PTPRG: variants seen among roughly 807,000 people sequenced by gnomAD.
PTPRG encodes protein tyrosine phosphatase receptor type G, also known as receptor-type tyrosine-protein phosphatase gamma.
In PTPRG, 102 loss-of-function variants were observed where a neutral mutation model predicts 165.3. The observed-to-expected ratio is 0.62, with a 90% CI of 0.53 to 0.73. PTPRG has a LOEUF of 0.73. PTPRG is among the 30% of genes least tolerant of loss of function. The pLI is 0.00. For synonymous variants in PTPRG, 675 were observed against 669.5 expected (o/e 1.01, Z -0.13); for missense variants, 1,866 against 1,861.4 (o/e 1.00, Z -0.05).
chr3:62,076,583 C>G (rs1338676294), intron 4 of PTPRG, among the ~76,000 whole-genome samples: 1 of 139,052 alleles, frequency 7.2e-6, no homozygotes, highest in Non-Finnish European at 1.6e-5. Flanking sequence ...TTCTCTACAT[C>G]TTTTTTTTTT....
intron 12 of PTPRG, among the ~76,000 whole-genome samples, chr3:62,208,868 C>G (rs1700291077): frequency 6.6e-6 from 1 of 152,224 alleles, no homozygotes; most frequent in Non-Finnish European, 1.5e-5. Flanking sequence ...GTCACTGATC[C>G]TAGAGTACTC....
intron 4 of PTPRG, among the ~76,000 whole-genome samples, chr3:62,051,834 A>G (rs751271911): frequency 6.6e-6 from 1 of 152,322 alleles, no homozygotes; most frequent in East Asian, 1.9e-4. Context: ...TTTGGCAGGT[A>G]TTCAATGGAA....
chr3:62,152,910 T>C (rs1462040943), intron 6 of PTPRG, among the ~76,000 whole-genome samples: 1 of 152,250 alleles, frequency 6.6e-6, no homozygotes. Context: ...TCCATTCTAC[T>C]GTCTATTTTT....
chr3:61,945,472 T>C (rs976387200), intron 2 of PTPRG, among the ~76,000 whole-genome samples: 1 of 145,502 alleles, frequency 6.9e-6, no homozygotes, highest in South Asian at 2.1e-4. Flanking sequence ...GGCAGGAGAA[T>C]TGCTTGAACC....
intron 4 of PTPRG, among the ~76,000 whole-genome samples, chr3:62,008,096 G>A (rs2041338541): frequency 3.3e-5 from 5 of 152,100 alleles, no homozygotes; most frequent in Admixed American, 3.3e-4. Flanking sequence ...AGCTTCTATC[G>A]TATCCTAAAC....
intron 4 of PTPRG, among the ~76,000 whole-genome samples, chr3:62,034,439 GGTGTTGATGCA>G (rs1432318519): frequency 3.3e-5 from 5 of 152,222 alleles, no homozygotes; most frequent in African/African-American, 1.2e-4. Context: ...TCCAGTGAGT[GGTGTTGATGCA>G]GTTCAGAACT....
chr3:61,784,144 C>A (rs1575660973), intron 2 of PTPRG, among the ~76,000 whole-genome samples: 2 of 152,238 alleles, frequency 1.3e-5, no homozygotes, highest in Middle Eastern at 3.4e-3. Context: ...GTGGGTGAGC[C>A]AGAAACTGCT....
chr3:61,604,479 C>T (rs960627775), intron 1 of PTPRG, among the ~76,000 whole-genome samples: 1 of 152,184 alleles, frequency 6.6e-6, no homozygotes, highest in Non-Finnish European at 1.5e-5. Context: ...TACAAATAAA[C>T]ATTAAAGGCC....
chr3:61,957,737 A>G (rs972003010), intron 2 of PTPRG, among the ~76,000 whole-genome samples: 2 of 152,214 alleles, frequency 1.3e-5, no homozygotes, highest in African/African-American at 4.8e-5. Context: ...TGTGTCTTAC[A>G]GGCAATTTGT....
At chr3:61,731,583 G>A (rs1302819244) in intron 1 of PTPRG, among the ~76,000 whole-genome samples, 1 of 151,842 alleles carries the variant, frequency 6.6e-6, no homozygotes, top group African/African-American at 2.4e-5. Flanking sequence ...TCCTGACCTC[G>A]TGATCTGCCC....
rs1700834248 is a variant in PTPRG, at chr3:62,229,110, A to G, written c.2289-2115A>G. 6.6e-6 allele frequency among the ~76,000 whole-genome samples: 1 copy of G among 152,206 alleles called. No homozygotes were observed. Among genetic ancestry groups the G allele is most frequent in the African/African-American group, 2.4e-5 (1 of 41,450 alleles). Reference sequence around the variant, plus strand: ...CAAGCACATTTTGTGGTGCCAAAATATGGCTTGCCTCAGAGGGTTTGAGTT... The same window carrying G: ...CAAGCACATTTTGTGGTGCCAAAATGTGGCTTGCCTCAGAGGGTTTGAGTT... On this transcript the variant is annotated intron_variant, in intron 13 of 29. Transcript: ENST00000474889. The surrounding 1 kb of genome is among the most constrained non-coding windows in gnomAD (Gnocchi z 4.6).
chr3:62,263,979 C>T (rs1701778668), intron 17 of PTPRG: 1 of 152,298 alleles, frequency 6.6e-6, no homozygotes, highest in African/African-American at 2.4e-5. Flanking sequence ...AACCCTGTCT[C>T]TACTAAAAAT....
chr3:61,880,995 C>G (rs1410368948), intron 2 of PTPRG, among the ~76,000 whole-genome samples: 2 of 145,502 alleles, frequency 1.4e-5, no homozygotes, highest in African/African-American at 5.1e-5. Context: ...CCCTATTAAT[C>G]TTCATTCCAC....
chr3:61,664,010 A>T (rs1042099599), intron 1 of PTPRG, among the ~76,000 whole-genome samples: 1 of 152,198 alleles, frequency 6.6e-6, no homozygotes, highest in Non-Finnish European at 1.5e-5. Flanking sequence ...GCAGGCATGT[A>T]TTTCTCAGAA....
rs1482603005 is a variant in PTPRG at position 62,240,357 on chromosome 3, C to G, written c.2376-3450C>G. On this transcript the variant is annotated intron_variant, in intron 14 of 29. Transcript: ENST00000474889. This position sits in a 1 kb window ranked among gnomAD's most constrained non-coding sequence, Gnocchi z 5.1. ...CTCAAAATAAAATAAAATACATACT[C>G]CCCCAATACCCAGAAAAAAAAATGG... Among the ~76,000 whole-genome samples, 1 of 152,002 alleles carries G rather than the reference C, an allele frequency of 6.6e-6. No homozygotes were observed. Among genetic ancestry groups the G allele is most frequent in the African/African-American group, 2.4e-5 (1 of 41,394 alleles).
chr3:62,193,012 G>T (rs777758736), intron 9 of PTPRG, among the ~76,000 whole-genome samples: 3 of 152,094 alleles, frequency 2.0e-5, no homozygotes, highest in Non-Finnish European at 4.4e-5. Flanking sequence ...ACTAGACATT[G>T]TTATCTGGGT....
intron 7 of PTPRG, among the ~76,000 whole-genome samples, chr3:62,161,540 A>G (rs1254905682): frequency 6.6e-6 from 1 of 152,224 alleles, no homozygotes; most frequent in Non-Finnish European, 1.5e-5. Context: ...GAACGTTTCT[A>G]TTTCAACACA....
chr3:61,662,110 T>C (rs1575572334), intron 1 of PTPRG, among the ~76,000 whole-genome samples: 1 of 152,216 alleles, frequency 6.6e-6, no homozygotes, highest in East Asian at 1.9e-4. Context: ...CTTCTTGTCT[T>C]GGAAGGGGTT....
At chr3:62,041,445 T>C (rs568034861) in intron 4 of PTPRG, among the ~76,000 whole-genome samples, 74 of 152,330 alleles carry the variant, frequency 4.9e-4, no homozygotes, top group African/African-American at 1.7e-3. Context: ...GACAAGACTT[T>C]TAGTCTGAAA....
Sources: gnomAD v4.1 joint callset for allele counts (sites outside exome capture counted in the v4.1 genomes callset) on GRCh38, gnomAD v4.1.1 for gene constraint, Gnocchi (gnomAD v3.1) non-coding constraint, MANE v1.5 for transcripts, NCBI Gene and HGNC (gene_info 2026-07-23, HGNC 2026-07-21) for gene names.